The following SIK3 variants were observed in gnomAD, a reference collection of about 807,000 sequenced individuals.
SIK3 encodes SIK family kinase 3, also known as serine/threonine-protein kinase SIK3.
SIK3 carries 28 observed loss-of-function variants against 144.2 expected under a neutral mutation model. The observed-to-expected ratio is 0.19, with a 90% CI of 0.14 to 0.27. The LOEUF is 0.27. Ranked by LOEUF, SIK3 falls within the 10% of genes least tolerant of loss-of-function variation. SIK3 has a pLI of 1.00. For missense variants in SIK3, 1,319 were observed against 1,776.0 expected (o/e 0.74, Z 4.62); for synonymous variants, 686 against 676.3 (o/e 1.01, Z -0.22).
chr11:116,969,430 G>C (rs1201455825), intron 1 of SIK3, among the ~76,000 whole-genome samples: 1 of 151,856 alleles, frequency 6.6e-6, no homozygotes, highest in Non-Finnish European at 1.5e-5. Context: ...TAGAGAGCTA[G>C]AAGGAAGTAA....
At chr11:116,917,243 G>A (rs2135024240) in intron 4 of SIK3, among the ~76,000 whole-genome samples, 1 of 152,144 alleles carries the variant, frequency 6.6e-6, no homozygotes, top group East Asian at 1.9e-4. Context: ...ATCCTCATGA[G>A]GACACATGAC....
intron 6 of SIK3, among the ~76,000 whole-genome samples, chr11:116,884,245 G>A (rs1056288844): frequency 1.3e-5 from 2 of 151,850 alleles, no homozygotes; most frequent in African/African-American, 4.8e-5. Context: ...GGCCAGGCTG[G>A]GTGCAATCAT....
intron 1 of SIK3, among the ~76,000 whole-genome samples, chr11:116,995,676 A>T (rs183130429): frequency 6.6e-6 from 1 of 152,280 alleles, no homozygotes; most frequent in East Asian, 1.9e-4. Flanking sequence ...CCTCTCAACA[A>T]CCTGGCTCCT....
At chr11:117,097,112 C>T (rs1250617991) in intron 1 of SIK3, among the ~76,000 whole-genome samples, 1 of 152,146 alleles carries the variant, frequency 6.6e-6, no homozygotes, top group African/African-American at 2.4e-5. Flanking sequence ...TTCCAGTCCT[C>T]CCAACGAAGG....
chr11:116,860,153 G>A (rs924621956), intron 19 of SIK3, among the ~76,000 whole-genome samples: 6 of 151,914 alleles, frequency 3.9e-5, no homozygotes, highest in Middle Eastern at 6.8e-3. Flanking sequence ...GCTGAGGCAG[G>A]AGAATCATTT....
intron 6 of SIK3, among the ~76,000 whole-genome samples, chr11:116,892,314 T>C (rs777431792): frequency 2.6e-5 from 4 of 152,132 alleles, no homozygotes; most frequent in African/African-American, 4.8e-5. Context: ...CTGGAGAATA[T>C]GGCGTCTCAG....
intron 21 of SIK3, among the ~76,000 whole-genome samples, chr11:116,856,257 A>C (rs1395124994): frequency 2.0e-5 from 3 of 151,680 alleles, no homozygotes; most frequent in African/African-American, 7.3e-5. Context: ...ATAGTGTGCT[A>C]ATCTGCTGGA....
At chr11:116,852,470 G>T (rs1942541322) in intron 21 of SIK3, among the ~76,000 whole-genome samples, 1 of 152,234 alleles carries the variant, frequency 6.6e-6, no homozygotes, top group Admixed American at 6.5e-5. Context: ...GGGTCAGGAA[G>T]AGTTGGCCGT....
chr11:117,084,074 T>C (rs949604327), intron 1 of SIK3, among the ~76,000 whole-genome samples: 1 of 152,160 alleles, frequency 6.6e-6, no homozygotes, highest in Non-Finnish European at 1.5e-5. Context: ...TTGACTTCTT[T>C]ATCATTTTAA....
chr11:116,965,258 T>C (rs186515748), intron 1 of SIK3, among the ~76,000 whole-genome samples: 5 of 152,286 alleles, frequency 3.3e-5, no homozygotes, highest in Non-Finnish European at 7.4e-5. Context: ...TCCAATATTA[T>C]GAGCAACTCT....
intron 1 of SIK3, among the ~76,000 whole-genome samples, chr11:117,032,437 G>A (rs1952301652): frequency 6.6e-6 from 1 of 152,092 alleles, no homozygotes; most frequent in African/African-American, 2.4e-5. Context: ...AAATGGTATT[G>A]CATGTATTTC....
At chr11:116,930,812 GC>G (rs1268880811) in intron 3 of SIK3, among the ~76,000 whole-genome samples, 1 of 141,710 alleles carries the variant, frequency 7.1e-6, no homozygotes, top group African/African-American at 2.7e-5. Flanking sequence ...GTAGACACCT[GC>G]TGCATAAAGT....
chr11:117,046,657 T>C (rs1443193130), intron 1 of SIK3, among the ~76,000 whole-genome samples: 1 of 152,094 alleles, frequency 6.6e-6, no homozygotes. Context: ...AGGAGGTGGA[T>C]CACTTGGGCC....
At position 116,992,818 on chromosome 11, in the gene SIK3, T is replaced by C. The variant is rs559142046; in HGVS notation, c.274-35754A>G. Reference sequence around the variant, plus strand: ...AGGCAACATGGAGGGACCTCATCTCTACAGAAAAATTTAAAAATTAGCCAG... The same window carrying C: ...AGGCAACATGGAGGGACCTCATCTCCACAGAAAAATTTAAAAATTAGCCAG... On this transcript the variant is annotated intron_variant, in intron 1 of 24. Coordinates refer to ENST00000445177, the MANE Select transcript of SIK3 (RefSeq NM_001366686.3). Among the ~76,000 whole-genome samples the C allele has an allele frequency of 5.7e-3, 871 of 152,226 alleles. 5 individuals carry two copies. Among genetic ancestry groups the C allele is most frequent in the African/African-American group, 0.019 (802 of 41,530 alleles).
intron 17 of SIK3, 62 bp downstream of exon 17, chr11:116,862,140 A>G (rs484646): frequency 0.57 from 914,932 of 1,611,066 alleles, 276,487 homozygotes; most frequent in Non-Finnish European, 0.64. Context: ...CAAAATGCAC[A>G]GGCAAATCAG....
At chr11:116,959,809 G>A (rs1485610486) in intron 1 of SIK3, among the ~76,000 whole-genome samples, 1 of 152,078 alleles carries the variant, frequency 6.6e-6, no homozygotes, top group Non-Finnish European at 1.5e-5. Flanking sequence ...ACTTATAATG[G>A]GTTTATTGGG....
chr11:116,998,943 T>C (rs1303920595), intron 1 of SIK3, among the ~76,000 whole-genome samples: 1 of 152,164 alleles, frequency 6.6e-6, no homozygotes, highest in Non-Finnish European at 1.5e-5. Flanking sequence ...AGTTAGACAA[T>C]TATTTTTACT....
In SIK3 at chr11:116,873,654, G is replaced by A; in HGVS notation, c.1582-18C>T. The A allele has an allele frequency of 6.5e-7, 1 of 1,533,016 alleles. No homozygotes were observed. The highest frequency in any genetic ancestry group is 2.3e-5 in the East Asian group (1 of 44,080). 95.0% of individuals were successfully genotyped at this position (1,533,016 alleles called of 1,614,324 possible). A position where few individuals can be genotyped will look rare whatever the true frequency, so the allele number is the denominator to read the frequency against. Reference sequence around the variant, plus strand: ...GACTGCTCCTGCCAGGAACAGAGTGGGGAGGACGGACCATGAGATGAGGGG... The same window carrying A: ...GACTGCTCCTGCCAGGAACAGAGTGAGGAGGACGGACCATGAGATGAGGGG... On this transcript the variant is annotated intron_variant, in intron 12 of 24. Coordinates refer to ENST00000445177, the MANE Select transcript of SIK3 (RefSeq NM_001366686.3).
At chr11:117,065,493 G>A (rs901258579) in intron 1 of SIK3, among the ~76,000 whole-genome samples, 1 of 151,986 alleles carries the variant, frequency 6.6e-6, no homozygotes, top group Non-Finnish European at 1.5e-5. Flanking sequence ...GTTAAACCTG[G>A]CACTGTATTT....
Sources: allele counts gnomAD v4.1 joint callset (sites outside exome capture counted in the v4.1 genomes callset), GRCh38; gene constraint gnomAD v4.1.1; transcripts MANE v1.5; gene names NCBI Gene and HGNC (gene_info 2026-07-23, HGNC 2026-07-21).